Variants in ABCA1 observed in about 807,000 individuals in gnomAD.
ABCA1 encodes the protein ATP binding cassette subfamily A member 1, also known as phospholipid-transporting ATPase ABCA1.
In ABCA1, 133 loss-of-function variants were observed where a neutral mutation model predicts 262.5. The ratio of observed to expected loss-of-function variants is 0.51; its 90% confidence interval spans 0.44 to 0.59. The LOEUF (loss-of-function observed/expected upper bound fraction) is 0.59. Ranked by LOEUF, ABCA1 falls within the 20% of genes least tolerant of loss-of-function variation. ABCA1 has a pLI of 0.00. For synonymous variants in ABCA1, 1,022 were observed against 1,043.5 expected (o/e 0.98, Z 0.40); for missense variants, 2,452 against 2,777.5 (o/e 0.88, Z 2.63).
rs139564637 is a variant in ABCA1 at position 104,802,093 on chromosome 9, A to T, written c.4659T>A (p.Asp1553Glu). The T allele has an allele frequency of 5.6e-6, 9 of 1,614,072 alleles. No individual in the cohort carries two copies. The highest frequency in any genetic ancestry group is 2.7e-5 in the African/African-American group (2 of 74,928). Residue 1553 changes from aspartate to glutamate, a missense_variant, in exon 34 of 50, where the codon GAT (aspartate) becomes GAA (glutamate). Asp to Glu is a conservative substitution (Grantham distance 45). This residue lies in a region of ABCA1 where 752 missense variants were observed against 944.5 expected (regional missense o/e 0.80). Coordinates refer to ENST00000374736, the MANE Select transcript of ABCA1 (RefSeq NM_005502.4). ...GGTGTTTCTTCATTTGTTTGATGGC[A>T]TCATTAACTTCTTGACTCGGAGGAA... ...QALPPSQEVNDAIKQMKKHLK... is the reference protein window; with the variant it reads ...QALPPSQEVNEAIKQMKKHLK...
rs754455355 is a variant in ABCA1 at position 104,798,557 on chromosome 9, A to G, written c.4985T>C (p.Ile1662Thr). 1.9e-6 allele frequency: 3 copies of G among 1,614,186 alleles called. No individual in the cohort carries two copies. Among genetic ancestry groups the G allele is most frequent in the Admixed American group, 3.3e-5 (2 of 60,022 alleles). Residue 1662 changes from isoleucine to threonine, a missense_variant, in exon 37 of 50, where the codon ATC (isoleucine) becomes ACC (threonine). Physicochemically the swap from Ile to Thr is moderately conservative, Grantham distance 89. Transcript: ENST00000374736. ...SVDVLVSICV[I>T]FAMSFVPASF... Reference sequence around the variant, plus strand: ...GGCTGGGACGAAGGACATTGCAAAGATGACACAGATGGACACAAGGACATC... The same window carrying G: ...GGCTGGGACGAAGGACATTGCAAAGGTGACACAGATGGACACAAGGACATC...
chr9:104,801,579 T>C (rs1830342164), intron 34 of ABCA1, among the ~76,000 whole-genome samples: 1 of 152,002 alleles, frequency 6.6e-6, no homozygotes, highest in African/African-American at 2.4e-5. Context: ...TTTGCTCTTG[T>C]TGCCCAGGCT....
At chr9:104,801,083 A>G (rs1263566679) in intron 34 of ABCA1, among the ~76,000 whole-genome samples, 1 of 148,904 alleles carries the variant, frequency 6.7e-6, no homozygotes, top group Admixed American at 6.8e-5. Context: ...TGAAGTGAGT[A>G]CTTATCAGGT....
intron 18 of ABCA1, 125 bp from the exon 19 acceptor site, chr9:104,822,792 G>T: frequency 9.1e-7 from 1 of 1,097,748 alleles, no homozygotes; most frequent in Non-Finnish European, 1.4e-6. Context: ...TGGTTTCTCA[G>T]GCAGGCAGGA....
Position 104,806,456 on chromosome 9 carries a change from G to A in ABCA1, c.4275-26C>T, listed in dbSNP as rs147730606. 5.2e-5 allele frequency: 84 copies of A among 1,613,130 alleles called. No homozygotes were observed. In the East Asian group the frequency reaches 1.9e-3, roughly 36 times the overall value. On this transcript the variant is annotated intron_variant, in intron 30 of 49. Transcript: ENST00000374736. ...CTGCAAAGGGAAGACAGCAAGAGTAGGATTACCAGAGATGGCCTGGCCTTT... is the reference window on the plus strand; with the variant it reads ...CTGCAAAGGGAAGACAGCAAGAGTAAGATTACCAGAGATGGCCTGGCCTTT...
At chr9:104,865,072 A>C (rs1355268148) in intron 5 of ABCA1, among the ~76,000 whole-genome samples, 1 of 152,210 alleles carries the variant, frequency 6.6e-6, no homozygotes. Context: ...GATCACGTGG[A>C]TATCCACCCA....
intron 21 of ABCA1, 72 bp from the exon 22 acceptor site, chr9:104,819,795 G>A (rs1832135557): frequency 6.2e-7 from 1 of 1,612,140 alleles, no homozygotes; most frequent in Non-Finnish European, 8.5e-7. Context: ...GGACCTAGGG[G>A]CACAGCCAGG....
chr9:104,824,692 A>C, intron 17 of ABCA1, 114 bp from the exon 18 acceptor site: 1 of 1,254,044 alleles, frequency 8.0e-7, no homozygotes. Flanking sequence ...AACAGATTTG[A>C]ATGGATGTGG....
rs112103305 is a variant in ABCA1 at position 104,791,957 on chromosome 9, G to A, written c.5799C>T (p.Cys1933=). Residue 1933 remains cysteine, a synonymous_variant, in exon 43 of 50, where the codon TGC becomes TGT. Coordinates refer to ENST00000374736, the MANE Select transcript of ABCA1 (RefSeq NM_005502.4). ...TTACCTCACCAGGAGGAATGCCCAC[G>A]CAAATCCTGTCAACAGCAGGCTTCC... The part of the protein sequence containing the change: ...RKRKPAVDRI[C]VGIPPGECFG... 86 of 1,613,528 alleles carry A rather than the reference G, an allele frequency of 5.3e-5. No homozygotes were observed. Among genetic ancestry groups the A allele is most frequent in the African/African-American group, 1.9e-4 (14 of 75,032 alleles).
At chr9:104,820,713 A>G (rs1458957811) in intron 20 of ABCA1, among the ~76,000 whole-genome samples, 1 of 152,162 alleles carries the variant, frequency 6.6e-6, no homozygotes, top group Admixed American at 6.5e-5. Flanking sequence ...AGGGCCCTGA[A>G]GCACTACCAG....
chr9:104,784,185 G>T lies in ABCA1; in HGVS notation c.*130C>A. On this transcript the variant is annotated 3_prime_UTR_variant, in exon 50 of 50. Transcript: ENST00000374736. ...GCATTGAATTGCATTGCATTGAATA[G>T]TATCAGTACAGTATCCAGTTTACTT... The T allele has an allele frequency of 8.5e-7, 1 of 1,175,210 alleles. No homozygotes were observed. Among genetic ancestry groups the T allele is most frequent in the Non-Finnish European group, 1.2e-6 (1 of 804,310 alleles). 72.8% of individuals were successfully genotyped at this position (1,175,210 alleles called of 1,614,324 possible). A position where few individuals can be genotyped will look rare whatever the true frequency, so the allele number is the denominator to read the frequency against.
chr9:104,796,540 C>G, intron 37 of ABCA1, 116 bp from the exon 38 acceptor site: 1 of 789,388 alleles, frequency 1.3e-6, no homozygotes. Context: ...GAGAGTAACT[C>G]TGAATTAATG....
intron 5 of ABCA1, among the ~76,000 whole-genome samples, chr9:104,865,353 T>C (rs1836992822): frequency 6.6e-6 from 1 of 151,976 alleles, no homozygotes; most frequent in African/African-American, 2.4e-5. Flanking sequence ...CAGTCTCTAC[T>C]AAACATATCA....
chr9:104,892,236 A>G (rs1374986645), intron 2 of ABCA1, among the ~76,000 whole-genome samples: 1 of 152,046 alleles, frequency 6.6e-6, no homozygotes, highest in East Asian at 1.9e-4. Context: ...AAATAATCCC[A>G]AAGAGGCAAC....
At chr9:104,786,434 T>A in intron 47 of ABCA1, 44 bp from the exon 48 acceptor site, 1 of 1,538,368 alleles carries the variant, frequency 6.5e-7, no homozygotes, top group Non-Finnish European at 9.0e-7. Flanking sequence ...AGAGATTCTC[T>A]GTAACCATGA....
At chr9:104,861,970 A>G (rs1836437253) in intron 5 of ABCA1, among the ~76,000 whole-genome samples, 170 bp from the exon 6 acceptor site, 2 of 152,064 alleles carry the variant, frequency 1.3e-5, no homozygotes, top group Admixed American at 6.6e-5. Flanking sequence ...CAGGAGAGGC[A>G]TGAAAATATT....
In ABCA1 at chr9:104,816,619, G is replaced by A. The variant is rs1343830953; in HGVS notation, c.3536-274C>T. Among the ~76,000 whole-genome samples the A allele has an allele frequency of 4.2e-5, 6 of 144,352 alleles. No homozygotes were observed. In the East Asian group the frequency reaches 1.1e-3, roughly 25 times the overall value. The allele number at this position is 144,352 out of a possible 152,430, so 94.7% of individuals were successfully genotyped here. A position where few individuals can be genotyped will look rare whatever the true frequency, so the allele number is the denominator to read the frequency against. ...GCTGGATGGGTGGATGGGTGAATGG[G>A]AGGATGGGAGGATGGAAGGATGGGT... On this transcript the variant is annotated intron_variant, in intron 24 of 49. Transcript: ENST00000374736.
chr9:104,891,119 T>C (rs1404259586), intron 2 of ABCA1, among the ~76,000 whole-genome samples: 1 of 152,260 alleles, frequency 6.6e-6, no homozygotes, highest in Admixed American at 6.5e-5. Context: ...GAATAGATCA[T>C]AATTGAACCT....
Position 104,825,701 on chromosome 9 carries a change from T to G in ABCA1, c.2524A>C (p.Ile842Leu), listed in dbSNP as rs1426058716. 1.2e-6 allele frequency: 2 copies of G among 1,614,234 alleles called. No homozygotes were observed. The highest frequency in any genetic ancestry group is 8.5e-7 in the Non-Finnish European group (1 of 1,180,040). ...TFLYGVMTWY[I>L]EAVFPGQYGI... ...AGTGTACCTGGAAAGACAGCCTCAA[T>G]GTACCAGGTCATCACCCCATAGAGG... The change falls in exon 17 of 50, where the codon ATT (isoleucine) becomes CTT (leucine). Residue 842 changes from isoleucine (I) to leucine (L), a missense_variant. Ile to Leu is a conservative substitution (Grantham distance 5). Transcript: ENST00000374736.
Sources: allele counts gnomAD v4.1 joint callset (sites outside exome capture counted in the v4.1 genomes callset), GRCh38; gene constraint gnomAD v4.1.1; regional missense constraint gnomAD v4.1.1; transcripts MANE v1.5; gene names NCBI Gene and HGNC (gene_info 2026-07-23, HGNC 2026-07-21).